RASAL2: variants seen among roughly 807,000 people sequenced by gnomAD.
RASAL2 encodes ras GTPase-activating protein nGAP.
A neutral mutation model predicts 128.9 loss-of-function variants in RASAL2; 58 were observed. The observed-to-expected ratio is 0.45, with a 90% CI of 0.36 to 0.56. RASAL2 has a LOEUF of 0.56. Among genes scored for constraint, RASAL2 ranks in the 20% least tolerant of loss-of-function variants. The pLI is 0.00. For missense variants in RASAL2, 1,360 were observed against 1,601.6 expected (o/e 0.85, Z 2.57); for synonymous variants, 561 against 580.8 (o/e 0.97, Z 0.49).
chr1:178,245,724 C>G (rs992195753), intron 1 of RASAL2, among the ~76,000 whole-genome samples: 2 of 152,052 alleles, frequency 1.3e-5, no homozygotes, highest in African/African-American at 2.4e-5. Context: ...TTATTTAATC[C>G]ATCTTGAGTT....
chr1:178,472,769 T>G lies in RASAL2; in HGVS notation c.3679-306T>G, dbSNP rs1473079939. Among the ~76,000 whole-genome samples the G allele has an allele frequency of 2.0e-5, 3 of 152,242 alleles. No homozygotes were observed. The East Asian group carries it at 5.8e-4, about 29-fold the overall frequency. On this transcript the variant is annotated intron_variant, in intron 17 of 17. Coordinates refer to ENST00000367649, the MANE Select transcript of RASAL2 (RefSeq NM_170692.4). ...ATAATAAGGCAGCTTGATACCTGTGTTGCATAGTCTGAGGTAACACATGGT... is the reference window on the plus strand; with the variant it reads ...ATAATAAGGCAGCTTGATACCTGTGGTGCATAGTCTGAGGTAACACATGGT...
intron 1 of RASAL2, among the ~76,000 whole-genome samples, chr1:178,268,133 C>T (rs1298168743): frequency 3.3e-5 from 5 of 151,896 alleles, no homozygotes; most frequent in Admixed American, 6.6e-5. Context: ...TTAAGACCAG[C>T]ATGGGCAATA....
intron 1 of RASAL2, among the ~76,000 whole-genome samples, chr1:178,190,256 C>T (rs1472194668): frequency 2.1e-5 from 3 of 142,276 alleles, no homozygotes; most frequent in African/African-American, 3.1e-5. Flanking sequence ...GGTTTTCTTA[C>T]GTATATGTCT....
At chr1:178,267,058 A>T (rs1413058003) in intron 1 of RASAL2, among the ~76,000 whole-genome samples, 1 of 152,142 alleles carries the variant, frequency 6.6e-6, no homozygotes, top group African/African-American at 2.4e-5. Context: ...TTCGAAAGAG[A>T]CAAAAACTTT....
At chr1:178,183,154 A>G (rs763093517) in intron 1 of RASAL2, among the ~76,000 whole-genome samples, 12 of 152,120 alleles carry the variant, frequency 7.9e-5, no homozygotes, top group Admixed American at 3.3e-4. Context: ...GTGCTTACAT[A>G]TAATGTCTTT....
intron 5 of RASAL2, among the ~76,000 whole-genome samples, chr1:178,426,061 C>A (rs1282319726): frequency 6.6e-6 from 1 of 152,048 alleles, no homozygotes. Flanking sequence ...ATTGAACCAC[C>A]CTGGAGAAAC....
chr1:178,184,161 T>C (rs199561411), intron 1 of RASAL2, among the ~76,000 whole-genome samples: 1 of 152,344 alleles, frequency 6.6e-6, no homozygotes, highest in Non-Finnish European at 1.5e-5. Flanking sequence ...TGTTTTTATA[T>C]TGGTGAACTT....
chr1:178,384,300 A>G (rs576775708), intron 3 of RASAL2, among the ~76,000 whole-genome samples: 1 of 152,284 alleles, frequency 6.6e-6, no homozygotes, highest in Non-Finnish European at 1.5e-5. Context: ...AGTTTCTTAT[A>G]TAATTGTTCA....
intron 3 of RASAL2, among the ~76,000 whole-genome samples, chr1:178,340,106 T>C (rs913030896): frequency 1.3e-5 from 2 of 152,176 alleles, no homozygotes; most frequent in Non-Finnish European, 1.5e-5. Context: ...TTATACTAGA[T>C]GACTATGTGC....
chr1:178,416,389 A>G (rs2102729063), intron 4 of RASAL2, among the ~76,000 whole-genome samples: 1 of 152,162 alleles, frequency 6.6e-6, no homozygotes, highest in East Asian at 1.9e-4. Context: ...TATCATTATT[A>G]TTCATTTCCC....
At chr1:178,197,207 C>T (rs1317386286) in intron 1 of RASAL2, among the ~76,000 whole-genome samples, 1 of 151,982 alleles carries the variant, frequency 6.6e-6, no homozygotes, top group African/African-American at 2.4e-5. Flanking sequence ...CCTGTAATCC[C>T]AAAACTTTGG....
At chr1:178,338,600 C>T (rs1669710382) in intron 3 of RASAL2, among the ~76,000 whole-genome samples, 1 of 152,160 alleles carries the variant, frequency 6.6e-6, no homozygotes, top group African/African-American at 2.4e-5. Flanking sequence ...AAAAATCTCA[C>T]AGCCTTTTAG....
At chr1:178,226,833 G>A (rs1330961394) in intron 1 of RASAL2, among the ~76,000 whole-genome samples, 2 of 152,074 alleles carry the variant, frequency 1.3e-5, no homozygotes, top group Non-Finnish European at 2.9e-5. Flanking sequence ...CCAGCTATTC[G>A]GGAGGTTGAG....
intron 5 of RASAL2, among the ~76,000 whole-genome samples, chr1:178,423,715 G>C (rs554142987): frequency 1.3e-5 from 2 of 151,564 alleles, no homozygotes; most frequent in East Asian, 1.9e-4. Context: ...AAGATGGGAT[G>C]GGGGGGGATT....
At chr1:178,104,016 A>T (rs1054761116) in intron 1 of RASAL2, among the ~76,000 whole-genome samples, 1 of 152,016 alleles carries the variant, frequency 6.6e-6, no homozygotes, top group Non-Finnish European at 1.5e-5. Flanking sequence ...ACATACACTA[A>T]GTACCTAAAT....
At chr1:178,441,945 A>G (rs1277708324) in intron 7 of RASAL2, among the ~76,000 whole-genome samples, 1 of 152,144 alleles carries the variant, frequency 6.6e-6, no homozygotes, top group African/African-American at 2.4e-5. Context: ...CAGTCATGGC[A>G]GAAGGCAGAA....
chr1:178,282,058 G>C (rs768569981), intron 1 of RASAL2, among the ~76,000 whole-genome samples: 9 of 152,154 alleles, frequency 5.9e-5, no homozygotes, highest in Admixed American at 2.0e-4. Flanking sequence ...AGGGGAGAGA[G>C]GGTTGGTGTA....
chr1:178,359,682 A>G (rs1224728466), intron 3 of RASAL2, among the ~76,000 whole-genome samples: 1 of 152,194 alleles, frequency 6.6e-6, no homozygotes, highest in Non-Finnish European at 1.5e-5. Flanking sequence ...TAGGGAAAGC[A>G]AGGCAGCAAC....
chr1:178,153,052 G>A (rs1660965654), intron 1 of RASAL2, among the ~76,000 whole-genome samples: 1 of 151,844 alleles, frequency 6.6e-6, no homozygotes, highest in African/African-American at 2.4e-5. Context: ...CATACATTTT[G>A]GTAGTTGTTA....
Sources: gnomAD v4.1 joint callset for allele counts (sites outside exome capture counted in the v4.1 genomes callset) on GRCh38, gnomAD v4.1.1 for gene constraint, MANE v1.5 for transcripts, NCBI Gene and HGNC (gene_info 2026-07-23, HGNC 2026-07-21) for gene names.